The following GPR157 variants were observed in gnomAD, a reference collection of about 807,000 sequenced individuals.
The protein encoded by GPR157 is G-protein coupled receptor 157.
GPR157 carries 16 observed loss-of-function variants against 23.5 expected under a neutral mutation model. The observed-to-expected ratio is 0.68, with a 90% confidence interval of 0.46 to 1.04. The LOEUF (loss-of-function observed/expected upper bound fraction) is 1.04, where lower values mean the gene tolerates loss of function less well. GPR157 is among the 50% of genes least tolerant of loss of function. The probability of loss-of-function intolerance (pLI) is 0.00; values close to 1 mark genes in which losing one functional copy is unlikely to be tolerated. For missense variants in GPR157, 440 were observed against 460.7 expected, an observed-to-expected ratio of 0.96 and a Z score of 0.41; for synonymous variants, 200 against 221.5, an observed-to-expected ratio of 0.90 and a Z score of 0.86.
chr1:9,120,153 A>G lies in GPR157; in HGVS notation c.383+8492T>C, dbSNP rs1206516973. ...TTGAAAAGCAGCCCACTGGTTTTCA[A>G]AGACCCTTAGGATGCCATCCCTGCT... is the stretch of plus-strand genomic sequence containing the variant. On this transcript the variant is annotated intron_variant, in intron 1 of 3. Transcript: ENST00000377411. This position sits in a 1 kb window ranked among gnomAD's most constrained non-coding sequence, Gnocchi z 4.1. Among the ~76,000 whole-genome samples the G allele has an allele frequency of 6.6e-6, 1 of 152,186 alleles. No homozygotes were observed.
chr1:9,110,819 G>A (rs770028), intron 2 of GPR157, among the ~76,000 whole-genome samples: 25,641 of 152,174 alleles, frequency 0.17, 2,696 homozygotes, highest in African/African-American at 0.29. Context: ...AGTTATTTGC[G>A]TCACTGATTG....
In GPR157 at chr1:9,128,388, C is replaced by G. The variant is rs377327730; in HGVS notation, c.383+257G>C. 95 of 689,732 alleles carry G rather than the reference C, an allele frequency of 1.4e-4. 2 individuals are homozygous for G. The highest frequency in any genetic ancestry group is 4.0e-4 in the Admixed American group (20 of 49,472). The allele number at this position is 689,732 out of a possible 1,614,324, so 42.7% of individuals were successfully genotyped here. ...CCGTCCAAGGAAACAGGGCCCGGCTCTGGGGGCGAACTCTGTCCCCACTAC... is the reference window on the plus strand; with the variant it reads ...CCGTCCAAGGAAACAGGGCCCGGCTGTGGGGGCGAACTCTGTCCCCACTAC... On this transcript the variant is annotated intron_variant, in intron 1 of 3. Transcript: ENST00000377411. The surrounding 1 kb of genome is among the most constrained non-coding windows in gnomAD (Gnocchi z 6.3).
At chr1:9,112,111 T>C (rs988878472) in intron 1 of GPR157, among the ~76,000 whole-genome samples, 4 of 152,242 alleles carry the variant, frequency 2.6e-5, no homozygotes, top group Admixed American at 6.5e-5. Flanking sequence ...ACAGTGGTAC[T>C]GCGTGAGGCC....
At chr1:9,108,370 T>C (rs1638395245) in intron 2 of GPR157, among the ~76,000 whole-genome samples, 1 of 152,216 alleles carries the variant, frequency 6.6e-6, no homozygotes, top group Non-Finnish European at 1.5e-5. Flanking sequence ...TCTGAAACAC[T>C]TGCTGATTTG....
rs1557699597 is a variant in GPR157 at position 9,120,756 on chromosome 1, C to T, written c.383+7889G>A. Among the ~76,000 whole-genome samples the T allele has an allele frequency of 6.6e-6, 1 of 152,218 alleles. No individual in the cohort carries two copies. On this transcript the variant is annotated intron_variant, in intron 1 of 3. Coordinates refer to ENST00000377411, the MANE Select transcript of GPR157 (RefSeq NM_024980.5). The surrounding 1 kb of genome is among the most constrained non-coding windows in gnomAD (Gnocchi z 4.1). ...AGCTCAGGGATGGGCAGCCTGAGTT[C>T]TCACACCTCCTGCCAAGTTGCTGGT...
At position 9,120,500 on chromosome 1, in the gene GPR157, A is replaced by T. The variant is rs1316134131; in HGVS notation, c.383+8145T>A. Among the ~76,000 whole-genome samples the T allele has an allele frequency of 6.6e-6, 1 of 152,176 alleles. No individual in the cohort carries two copies. Among genetic ancestry groups the T allele is most frequent in the African/African-American group, 2.4e-5 (1 of 41,456 alleles). ...GGCTGGGGGAAGCCCAGCTGTAGGG[A>T]GTGAGGCCTGGTGAGAGGCTGCCTG... On this transcript the variant is annotated intron_variant, in intron 1 of 3. Coordinates refer to ENST00000377411, the MANE Select transcript of GPR157 (RefSeq NM_024980.5). The surrounding 1 kb of genome is among the most constrained non-coding windows in gnomAD (Gnocchi z 4.1).
Position 9,105,012 on chromosome 1 carries a change from C to A in GPR157, c.793-378G>T, listed in dbSNP as rs1180889343. 4.3e-5 allele frequency among the ~76,000 whole-genome samples: 6 copies of A among 140,550 alleles called. No individual in the cohort carries two copies. Among genetic ancestry groups the A allele is most frequent in the African/African-American group, 8.0e-5 (3 of 37,322 alleles). The allele number at this position is 140,550 out of a possible 152,430, so 92.2% of individuals were successfully genotyped here. ...CAGACTCTGTCCCCGCACCCCCCCCCAAAAAAGAGAAATGGCTGAGAAACA... is the reference window on the plus strand; with the variant it reads ...CAGACTCTGTCCCCGCACCCCCCCCAAAAAAAGAGAAATGGCTGAGAAACA... On this transcript the variant is annotated intron_variant, in intron 3 of 3. Coordinates refer to ENST00000377411, the MANE Select transcript of GPR157 (RefSeq NM_024980.5). The surrounding 1 kb of genome is among the most constrained non-coding windows in gnomAD (Gnocchi z 4.8).
Position 9,102,005 on chromosome 1 carries a change from A to G in GPR157, c.*2414T>C, listed in dbSNP as rs1642572441. On this transcript the variant is annotated 3_prime_UTR_variant, in exon 4 of 4. Coordinates refer to ENST00000377411, the MANE Select transcript of GPR157 (RefSeq NM_024980.5). ...GATTTGCTGTAACGTCTTCAGGGGA[A>G]TCCAGAATTCACTTACAGAGGCTAT... 2 of 152,246 alleles carry G rather than the reference A, an allele frequency of 1.3e-5. No individual in the cohort carries two copies. Among genetic ancestry groups the G allele is most frequent in the Non-Finnish European group, 2.9e-5 (2 of 68,054 alleles). The allele number at this position is 152,246 out of a possible 1,614,324, so 9.4% of individuals were successfully genotyped here.
At chr1:9,121,386 C>G (rs911559801) in intron 1 of GPR157, among the ~76,000 whole-genome samples, 34 of 150,532 alleles carry the variant, frequency 2.3e-4, no homozygotes, top group African/African-American at 5.4e-4. Context: ...ACCTGTAATC[C>G]CAGAACTTAG....
intron 1 of GPR157, among the ~76,000 whole-genome samples, chr1:9,123,535 T>TAAAATATATATAATTTAAATATATATTTA (rs200648536): frequency 7.5e-5 from 7 of 93,924 alleles, no homozygotes; most frequent in South Asian, 3.4e-4. Context: ...AATATATATT[T>TAAAATATATATAATTTAAATATATATTTA]AAATATATCT....
At chr1:9,111,665 A>G (rs115500923) in intron 1 of GPR157, among the ~76,000 whole-genome samples, 176 bp from the exon 2 acceptor site, 53 of 152,340 alleles carry the variant, frequency 3.5e-4, no homozygotes, top group African/African-American at 1.3e-3. Flanking sequence ...GCCTGGCTCT[A>G]CTTTAGAATT....
rs1557700507 is a variant in GPR157 at position 9,123,240 on chromosome 1, ATTAATT to A, written c.383+5399_383+5404del. Among the ~76,000 whole-genome samples the A allele has an allele frequency of 1.3e-3, 67 of 49,774 alleles. 1 individual carries two copies. Among genetic ancestry groups the A allele is most frequent in the East Asian group, 0.012 (11 of 910 alleles). 32.7% of individuals were successfully genotyped at this position (49,774 alleles called of 152,430 possible). ...TATTAAAATATATATTTAAATATATATTAATTTAAATATATATTTAAATATATATAT... is the reference window on the plus strand; with the variant it reads ...TATTAAAATATATATTTAAATATATATAAATATATATTTAAATATATATAT... On this transcript the variant is annotated intron_variant, in intron 1 of 3. Coordinates refer to ENST00000377411, the MANE Select transcript of GPR157 (RefSeq NM_024980.5).
Position 9,102,900 on chromosome 1 carries a change from T to C in GPR157, c.*1519A>G, listed in dbSNP as rs866618682. On this transcript the variant is annotated 3_prime_UTR_variant, in exon 4 of 4. Coordinates refer to ENST00000377411, the MANE Select transcript of GPR157 (RefSeq NM_024980.5). ...CTCAGCTGAATACAAAACAGCTGAA[T>C]CCTTTTGAATCCTTTGTTTTTTTCT... 18 of 152,280 alleles carry C rather than the reference T, an allele frequency of 1.2e-4. No individual in the cohort carries two copies. Among genetic ancestry groups the C allele is most frequent in the Middle Eastern group, 3.4e-3 (1 of 294 alleles). 9.4% of individuals were successfully genotyped at this position (152,280 alleles called of 1,614,324 possible). A position where few individuals can be genotyped will look rare whatever the true frequency, so the allele number is the denominator to read the frequency against.
chr1:9,125,331 A>C (rs1638942685), intron 1 of GPR157, among the ~76,000 whole-genome samples: 1 of 151,848 alleles, frequency 6.6e-6, no homozygotes, highest in South Asian at 2.1e-4. Flanking sequence ...CTCCTGCCTC[A>C]GCCTCCCAAA....
At chr1:9,123,337 T>A (rs1186114689) in intron 1 of GPR157, among the ~76,000 whole-genome samples, 4 of 30,368 alleles carry the variant, frequency 1.3e-4, no homozygotes, top group African/African-American at 4.3e-4. Context: ...ATATTTAATT[T>A]AAATATATAT....
At chr1:9,125,803 T>C (rs1309469839) in intron 1 of GPR157, among the ~76,000 whole-genome samples, 2 of 152,184 alleles carry the variant, frequency 1.3e-5, no homozygotes, top group African/African-American at 4.8e-5. Context: ...TACAGCTTTG[T>C]ACATATTTTA....
chr1:9,105,074 T>TACACACATGCATACATGCAC lies in GPR157; in HGVS notation c.792+392_792+411dup, dbSNP rs57052234. Among the ~76,000 whole-genome samples, 1 of 117,870 alleles carries TACACACATGCATACATGCAC rather than the reference T, an allele frequency of 8.5e-6. No individual in the cohort carries two copies. The highest frequency in any genetic ancestry group is 2.8e-4 in the South Asian group (1 of 3,524). The allele number at this position is 117,870 out of a possible 152,430, so 77.3% of individuals were successfully genotyped here. On this transcript the variant is annotated intron_variant, in intron 3 of 3. Coordinates refer to ENST00000377411, the MANE Select transcript of GPR157 (RefSeq NM_024980.5). This position sits in a 1 kb window ranked among gnomAD's most constrained non-coding sequence, Gnocchi z 4.8. ...ACACACACACACACACACACATGCA[T>TACACACATGCATACATGCAC]ACACACATGCATACATGCACACACA...
intron 1 of GPR157, among the ~76,000 whole-genome samples, chr1:9,123,371 ATTAAATATATATATTTAAT>A (rs1557700913): frequency 3.0e-4 from 6 of 19,776 alleles, no homozygotes; most frequent in African/African-American, 1.5e-3. Context: ...ATATATTTAA[ATTAAATATATATATTTAAT>A]TTAAATATAT....
rs1553175750 is a variant in GPR157, at chr1:9,123,163, GAA to G, written c.383+5480_383+5481del. On this transcript the variant is annotated intron_variant, in intron 1 of 3. Coordinates refer to ENST00000377411, the MANE Select transcript of GPR157 (RefSeq NM_024980.5). ...ACAAGAGTGAAACTGTCTTGGGTGG[GAA>G]AAAAAAAAAATATATATATATATAT... 2.0e-3 allele frequency among the ~76,000 whole-genome samples: 176 copies of G among 87,558 alleles called. 3 individuals are homozygous for G. The highest frequency in any genetic ancestry group is 7.9e-3 in the Admixed American group (49 of 6,200). 57.4% of individuals were successfully genotyped at this position (87,558 alleles called of 152,430 possible). A position where few individuals can be genotyped will look rare whatever the true frequency, so the allele number is the denominator to read the frequency against.
Sources: allele counts gnomAD v4.1 joint callset (sites outside exome capture counted in the v4.1 genomes callset), GRCh38; gene constraint gnomAD v4.1.1; non-coding constraint Gnocchi (gnomAD v3.1); transcripts MANE v1.5; gene names NCBI Gene and HGNC (gene_info 2026-07-23, HGNC 2026-07-21).